Variants in SORCS2 observed in about 807,000 individuals in gnomAD.
The protein encoded by SORCS2 is VPS10 domain-containing receptor SorCS2.
In SORCS2, 100 loss-of-function variants were observed where a neutral mutation model predicts 141.6. The observed-to-expected ratio is 0.71, with a 90% CI of 0.60 to 0.83. The LOEUF (loss-of-function observed/expected upper bound fraction) is 0.83, where lower values mean the gene tolerates loss of function less well. Among genes scored for constraint, SORCS2 ranks in the 40% least tolerant of loss-of-function variants. The pLI is 0.00. For missense variants in SORCS2, 1,646 were observed against 1,560.2 expected, an observed-to-expected ratio of 1.05 and a Z score of -0.93; for synonymous variants, 789 against 676.9, an observed-to-expected ratio of 1.17 and a Z score of -2.57.
intron 2 of SORCS2, among the ~76,000 whole-genome samples, chr4:7,502,430 T>C (rs1472522325): frequency 6.6e-6 from 1 of 152,042 alleles, no homozygotes; most frequent in Non-Finnish European, 1.5e-5. Flanking sequence ...TTTGTGTGAA[T>C]GCGAAGGAAA....
intron 20 of SORCS2, among the ~76,000 whole-genome samples, chr4:7,725,884 A>G (rs1373095212): frequency 6.6e-6 from 1 of 152,248 alleles, no homozygotes; most frequent in Non-Finnish European, 1.5e-5. Flanking sequence ...ACAGAGCCCC[A>G]GCAAGGGGAG....
intron 1 of SORCS2, among the ~76,000 whole-genome samples, chr4:7,214,038 G>T (rs1728190972): frequency 6.6e-6 from 1 of 152,148 alleles, no homozygotes; most frequent in South Asian, 2.1e-4. Flanking sequence ...CAGGTCTGGG[G>T]TGTCTGTTTA....
At chr4:7,451,452 A>T (rs143134726) in intron 2 of SORCS2, among the ~76,000 whole-genome samples, 34 of 152,320 alleles carry the variant, frequency 2.2e-4, no homozygotes, top group African/African-American at 6.5e-4. Flanking sequence ...CACGAGGCAC[A>T]CCTCTTTGTC....
In SORCS2 at chr4:7,392,284, G is replaced by A. The variant is rs200709910; in HGVS notation, c.481-4004G>A. ...CTGTGAAGGAGCCCTGGGCCTCCAG[G>A]ACAGGGCATGTTCCCCACCCTTAGG... On this transcript the variant is annotated intron_variant, in intron 1 of 26. Transcript: ENST00000507866. Among the ~76,000 whole-genome samples, 8 of 150,310 alleles carry A rather than the reference G, an allele frequency of 5.3e-5. No homozygotes were observed. The East Asian group carries it at 1.4e-3, about 27-fold the overall frequency.
chr4:7,707,759 A>G (rs906828305), intron 14 of SORCS2, among the ~76,000 whole-genome samples: 1 of 152,210 alleles, frequency 6.6e-6, no homozygotes, highest in Admixed American at 6.5e-5. Context: ...ATGTGGCTTG[A>G]ATAAATGGGT....
At chr4:7,342,245 A>G (rs13109768) in intron 1 of SORCS2, among the ~76,000 whole-genome samples, 73,064 of 151,980 alleles carry the variant, frequency 0.48, 18,379 homozygotes, top group African/African-American at 0.63. Context: ...TGATGTGGAC[A>G]TGGGTCTGCC....
chr4:7,700,681 A>G (rs1360128421), intron 12 of SORCS2, among the ~76,000 whole-genome samples: 1 of 152,188 alleles, frequency 6.6e-6, no homozygotes, highest in African/African-American at 2.4e-5. Context: ...GGATCCCGGC[A>G]TGACAACTCC....
At chr4:7,427,414 C>T (rs1439727870) in intron 2 of SORCS2, among the ~76,000 whole-genome samples, 2 of 152,240 alleles carry the variant, frequency 1.3e-5, no homozygotes, top group Non-Finnish European at 2.9e-5. Flanking sequence ...CAACTGTCCC[C>T]GACTTCACTC....
At chr4:7,564,148 G>T (rs1714791411) in intron 3 of SORCS2, among the ~76,000 whole-genome samples, 1 of 152,188 alleles carries the variant, frequency 6.6e-6, no homozygotes, top group African/African-American at 2.4e-5. Flanking sequence ...TTGGCTTGTG[G>T]GCCATGAGGC....
chr4:7,433,938 C>T lies in SORCS2; in HGVS notation c.548+37583C>T. 3.7e-6 allele frequency: 6 copies of T among 1,613,862 alleles called. No individual in the cohort carries two copies. In the South Asian group the frequency reaches 6.6e-5, roughly 18 times the overall value. ...GCTCCAGGGCATGGGTGATCATGAG[C>T]TCAGAGCTGTTGGACATGAGCCAGT... is the stretch of plus-strand genomic sequence containing the variant. On this transcript the variant is annotated intron_variant, in intron 2 of 26. Transcript: ENST00000507866.
At chr4:7,582,960 C>G (rs540613669) in intron 3 of SORCS2, among the ~76,000 whole-genome samples, 1 of 152,334 alleles carries the variant, frequency 6.6e-6, no homozygotes, top group African/African-American at 2.4e-5. Context: ...TCCTTGAACA[C>G]AGGGCTGTGG....
chr4:7,380,885 C>T (rs1419927880), intron 1 of SORCS2, among the ~76,000 whole-genome samples: 3 of 152,186 alleles, frequency 2.0e-5, no homozygotes, highest in Admixed American at 1.3e-4. Flanking sequence ...AGATCAAGGC[C>T]AGCCTGGCCA....
intron 1 of SORCS2, among the ~76,000 whole-genome samples, chr4:7,323,650 T>C (rs1719048094): frequency 6.6e-6 from 1 of 152,130 alleles, no homozygotes; most frequent in African/African-American, 2.4e-5. Flanking sequence ...GCAGGCCCAC[T>C]GCCACGTGGC....
intron 3 of SORCS2, among the ~76,000 whole-genome samples, chr4:7,634,997 C>G (rs1720149776): frequency 6.6e-6 from 1 of 152,192 alleles, no homozygotes; most frequent in African/African-American, 2.4e-5. Flanking sequence ...CTGCCCCAGC[C>G]TAAGATGTAC....
intron 3 of SORCS2, among the ~76,000 whole-genome samples, chr4:7,557,671 G>A (rs1393659439): frequency 1.3e-5 from 2 of 152,198 alleles, no homozygotes; most frequent in African/African-American, 4.8e-5. Context: ...TCATTCCTAT[G>A]TATGAGTCAT....
At chr4:7,544,502 C>T (rs1713091912) in intron 3 of SORCS2, among the ~76,000 whole-genome samples, 1 of 152,234 alleles carries the variant, frequency 6.6e-6, no homozygotes. Flanking sequence ...CAACATCCAA[C>T]AGGCTCAGGG....
At chr4:7,730,499 G>A (rs188354107) in intron 23 of SORCS2, among the ~76,000 whole-genome samples, 7 of 152,298 alleles carry the variant, frequency 4.6e-5, no homozygotes, top group African/African-American at 1.2e-4. Context: ...AGTGCTCATC[G>A]GCTGCTGAAG....
intron 2 of SORCS2, among the ~76,000 whole-genome samples, chr4:7,501,663 C>T (rs1242602253): frequency 1.3e-5 from 2 of 152,222 alleles, no homozygotes; most frequent in Admixed American, 1.3e-4. Flanking sequence ...CTGTTGCTGC[C>T]CTTTGCGTTG....
intron 2 of SORCS2, among the ~76,000 whole-genome samples, chr4:7,445,680 G>A (rs1227831961): frequency 6.6e-6 from 1 of 152,164 alleles, no homozygotes; most frequent in Non-Finnish European, 1.5e-5. Context: ...TTCTCTAAGT[G>A]GCATTGCTCA....
Sources: allele counts gnomAD v4.1 joint callset (sites outside exome capture counted in the v4.1 genomes callset), GRCh38; gene constraint gnomAD v4.1.1; transcripts MANE v1.5; gene names NCBI Gene and HGNC (gene_info 2026-07-23, HGNC 2026-07-21).